The following KSR2 variants were observed in gnomAD, a reference collection of about 807,000 sequenced individuals.
KSR2 encodes the protein kinase suppressor of ras 2.
A neutral mutation model predicts 107.8 loss-of-function variants in KSR2; 25 were observed. That is an observed-to-expected ratio of 0.23 (90% CI 0.17 to 0.32). The LOEUF is 0.32. Ranked by LOEUF, KSR2 falls within the 10% of genes least tolerant of loss-of-function variation. The pLI is 1.00. For synonymous variants in KSR2, 480 were observed against 507.0 expected, an observed-to-expected ratio of 0.95 and a Z score of 0.71; for missense variants, 887 against 1,268.9, an observed-to-expected ratio of 0.70 and a Z score of 4.57.
At chr12:117,748,405 A>G (rs1292995870) in intron 4 of KSR2, among the ~76,000 whole-genome samples, 1 of 152,174 alleles carries the variant, frequency 6.6e-6, no homozygotes, top group East Asian at 1.9e-4. Flanking sequence ...TAATAATAAT[A>G]TACCACATAT....
intron 5 of KSR2, among the ~76,000 whole-genome samples, chr12:117,604,124 G>C (rs1463698614): frequency 6.6e-6 from 1 of 152,110 alleles, no homozygotes; most frequent in East Asian, 1.9e-4. Flanking sequence ...CCCTTGAAGG[G>C]GCATGCGGCT....
At chr12:117,514,442 C>T (rs1874233347) in intron 14 of KSR2, among the ~76,000 whole-genome samples, 1 of 152,062 alleles carries the variant, frequency 6.6e-6, no homozygotes, top group South Asian at 2.1e-4. Flanking sequence ...TGGTTTAATC[C>T]CTGGGTGGCT....
At chr12:117,601,724 T>G (rs1189715111) in intron 5 of KSR2, among the ~76,000 whole-genome samples, 1 of 152,198 alleles carries the variant, frequency 6.6e-6, no homozygotes, top group African/African-American at 2.4e-5. Flanking sequence ...GAATAAATGT[T>G]GTCCTAAGCC....
At chr12:117,728,741 ACTCACAGGGT>A (rs1330625625) in intron 4 of KSR2, among the ~76,000 whole-genome samples, 2 of 152,162 alleles carry the variant, frequency 1.3e-5, no homozygotes, top group African/African-American at 4.8e-5. Context: ...TGAGCTGCAG[ACTCACAGGGT>A]CTCAGTAGGG....
At chr12:117,747,481 C>A (rs1194922017) in intron 4 of KSR2, among the ~76,000 whole-genome samples, 1 of 151,874 alleles carries the variant, frequency 6.6e-6, no homozygotes, top group Non-Finnish European at 1.5e-5. Context: ...ATACGTAATG[C>A]ATGTGGGGCT....
chr12:117,644,897 C>T (rs1336058485), intron 5 of KSR2, among the ~76,000 whole-genome samples: 1 of 152,174 alleles, frequency 6.6e-6, no homozygotes, highest in African/African-American at 2.4e-5. Flanking sequence ...CTCGCGTGCT[C>T]AGCATCCCTA....
chr12:117,907,372 T>G lies in KSR2; in HGVS notation c.181-46941A>C, dbSNP rs150964408. ...TTATAAAGCTCAAGGAAATGAGTCC[T>G]CCATCCTGTGAATCCAGGTGTGCTG... On this transcript the variant is annotated intron_variant, in intron 1 of 19. Transcript: ENST00000339824. The surrounding 1 kb of genome is among the most constrained non-coding windows in gnomAD (Gnocchi z 4.3). Among the ~76,000 whole-genome samples the G allele has an allele frequency of 6.1e-3, 935 of 152,244 alleles. 9 individuals carry two copies. The highest frequency in any genetic ancestry group is 0.021 in the African/African-American group (872 of 41,552).
At chr12:117,898,805 T>C (rs1462033681) in intron 1 of KSR2, among the ~76,000 whole-genome samples, 1 of 152,084 alleles carries the variant, frequency 6.6e-6, no homozygotes, top group Non-Finnish European at 1.5e-5. Flanking sequence ...GGAGATTATG[T>C]TAAGTGGAAT....
At chr12:117,804,936 T>C (rs544227358) in intron 3 of KSR2, among the ~76,000 whole-genome samples, 1 of 152,288 alleles carries the variant, frequency 6.6e-6, no homozygotes, top group East Asian at 1.9e-4. Flanking sequence ...TGGGGTACCT[T>C]AGCCCATCTT....
intron 10 of KSR2, among the ~76,000 whole-genome samples, chr12:117,537,474 C>T (rs4766856): frequency 0.31 from 47,515 of 152,024 alleles, 7,657 homozygotes; most frequent in Middle Eastern, 0.4. Context: ...TGTCACCCTG[C>T]TAAGCTTTGT....
intron 3 of KSR2, among the ~76,000 whole-genome samples, chr12:117,767,206 G>A (rs1265946421): frequency 6.7e-6 from 1 of 148,436 alleles, no homozygotes; most frequent in African/African-American, 2.5e-5. Flanking sequence ...GAGGTCAGGA[G>A]ATCGAGACCA....
intron 1 of KSR2, among the ~76,000 whole-genome samples, chr12:117,913,305 C>A (rs1895078495): frequency 6.6e-6 from 1 of 152,138 alleles, no homozygotes; most frequent in Admixed American, 6.5e-5. Context: ...AGGAAGCAGT[C>A]ACCACTGCCA....
chr12:117,536,590 T>C (rs530496542), intron 10 of KSR2, among the ~76,000 whole-genome samples: 3 of 152,352 alleles, frequency 2.0e-5, no homozygotes, highest in South Asian at 4.1e-4. Flanking sequence ...CAGACATATA[T>C]ATATGTAAAT....
Position 117,720,475 on chromosome 12 carries a change from T to C in KSR2, c.986+40536A>G, listed in dbSNP as rs1464533288. Reference sequence around the variant, plus strand: ...TTAATCCCTAATTTGGCCCCATGCCTAAAAAGGAATTGTTTAAAGTAACAC... The same window carrying C: ...TTAATCCCTAATTTGGCCCCATGCCCAAAAAGGAATTGTTTAAAGTAACAC... On this transcript the variant is annotated intron_variant, in intron 4 of 19. Transcript: ENST00000339824. Among the ~76,000 whole-genome samples the C allele has an allele frequency of 4.6e-5, 7 of 152,194 alleles. No individual in the cohort carries two copies. The East Asian group carries it at 7.7e-4, about 17-fold the overall frequency.
At chr12:117,555,142 C>T (rs769103691) in intron 9 of KSR2, 27 bp downstream of exon 9, 11 of 1,613,214 alleles carry the variant, frequency 6.8e-6, no homozygotes, top group African/African-American at 2.7e-5. Flanking sequence ...CCCCACATGC[C>T]GAGACCCAGG....
At chr12:117,615,679 G>A (rs1881838166) in intron 5 of KSR2, among the ~76,000 whole-genome samples, 1 of 152,132 alleles carries the variant, frequency 6.6e-6, no homozygotes, top group Admixed American at 6.5e-5. Context: ...TCCTGGAAGT[G>A]GATCCTTTCG....
At chr12:117,812,740 C>T (rs1445113876) in intron 3 of KSR2, among the ~76,000 whole-genome samples, 2 of 149,894 alleles carry the variant, frequency 1.3e-5, no homozygotes, top group African/African-American at 2.5e-5. Flanking sequence ...AAGTGATCTA[C>T]AGATTCAATG....
intron 16 of KSR2, among the ~76,000 whole-genome samples, chr12:117,481,692 A>G (rs1335005769): frequency 6.6e-6 from 1 of 152,202 alleles, no homozygotes; most frequent in Non-Finnish European, 1.5e-5. Context: ...GTGAGTAATG[A>G]ATGAGGGAAC....
At chr12:117,785,316 A>T (rs534992710) in intron 3 of KSR2, among the ~76,000 whole-genome samples, 162 of 150,230 alleles carry the variant, frequency 1.1e-3, no homozygotes, top group Middle Eastern at 3.4e-3. Flanking sequence ...TTGGGAGGTT[A>T]AGACAGGAGA....
Sources: allele counts gnomAD v4.1 joint callset (sites outside exome capture counted in the v4.1 genomes callset), GRCh38; gene constraint gnomAD v4.1.1; non-coding constraint Gnocchi (gnomAD v3.1); transcripts MANE v1.5; gene names NCBI Gene and HGNC (gene_info 2026-07-23, HGNC 2026-07-21).